The following GOLGA8A variants were observed in gnomAD, a reference collection of about 807,000 sequenced individuals.
The protein encoded by GOLGA8A is golgin A8 family member A, also known as golgin subfamily A member 8A.
In GOLGA8A, 3 loss-of-function variants were observed where a neutral mutation model predicts 22.1. That is an observed-to-expected ratio of 0.14 (90% CI 0.06 to 0.35). The LOEUF is 0.35. Ranked by LOEUF, GOLGA8A falls within the 10% of genes least tolerant of loss-of-function variation. GOLGA8A has a pLI of 1.00. For synonymous variants in GOLGA8A, 7 were observed against 91.7 expected (o/e 0.08, Z 5.28); for missense variants, 16 against 233.2 (o/e 0.07, Z 6.07).
intron 2 of GOLGA8A, among the ~76,000 whole-genome samples, chr15:34,434,827 G>A (rs79171960): frequency 1.0e-4 from 15 of 149,130 alleles, no homozygotes; most frequent in African/African-American, 3.0e-4. Flanking sequence ...CAGTGCTCAC[G>A]GCCACCTGGC....
chr15:34,430,219 T>G (rs1893167460), intron 2 of GOLGA8A, among the ~76,000 whole-genome samples: 1 of 149,138 alleles, frequency 6.7e-6, no homozygotes, highest in African/African-American at 2.5e-5. Context: ...GTTCTTGGTC[T>G]GGAGGGGCTT....
intron 1 of GOLGA8A, among the ~76,000 whole-genome samples, chr15:34,436,202 C>A (rs1893500806): frequency 6.7e-6 from 1 of 149,488 alleles, no homozygotes; most frequent in African/African-American, 2.5e-5. Flanking sequence ...ACCTGCCAAC[C>A]TGCACCTTAG....
rs550145087 is a variant in GOLGA8A, at chr15:34,434,238, T to C, written c.-1123+1145A>G. Among the ~76,000 whole-genome samples the C allele has an allele frequency of 6.0e-5, 9 of 149,028 alleles. 1 individual carries two copies. The highest frequency in any genetic ancestry group is 1.2e-4 in the Non-Finnish European group (8 of 67,088). ...AAAATCAGGCCGAGACACATGGATGTGGAGGGAGCACTGGAAAGCCACTGA... is the reference window on the plus strand; with the variant it reads ...AAAATCAGGCCGAGACACATGGATGCGGAGGGAGCACTGGAAAGCCACTGA... On this transcript the variant is annotated intron_variant, in intron 2 of 24. Transcript: ENST00000359187.
intron 2 of GOLGA8A, among the ~76,000 whole-genome samples, chr15:34,432,816 C>T (rs1307738790): frequency 6.7e-6 from 1 of 148,924 alleles, no homozygotes; most frequent in Non-Finnish European, 1.5e-5. Flanking sequence ...TTATGACAGG[C>T]CGCCTCTGCA....
At chr15:34,399,043 GA>G (rs138144152) in intron 7 of GOLGA8A, 111 bp downstream of exon 7, 2 of 131,136 alleles carry the variant, frequency 1.5e-5, no homozygotes, top group African/African-American at 5.3e-5. Flanking sequence ...TAGGAGCTAT[GA>G]AAAAAAAAAC....
intron 2 of GOLGA8A, among the ~76,000 whole-genome samples, chr15:34,424,444 G>A (rs550035960): frequency 4.2e-5 from 6 of 143,468 alleles, no homozygotes; most frequent in Admixed American, 2.2e-4. Context: ...AAATACGAGA[G>A]GAAGAATGAC....
chr15:34,428,447 C>T (rs569862335), intron 2 of GOLGA8A, among the ~76,000 whole-genome samples: 5 of 148,404 alleles, frequency 3.4e-5, no homozygotes, highest in Non-Finnish European at 6.0e-5. Context: ...CCAGTTACAG[C>T]GCATGGAAGT....
rs1475242287 is a variant in GOLGA8A, at chr15:34,379,703, C to G, written c.*1708G>C. The G allele has an allele frequency of 6.6e-6, 1 of 152,620 alleles. No individual in the cohort carries two copies. Among genetic ancestry groups the G allele is most frequent in the Non-Finnish European group, 1.5e-5 (1 of 68,048 alleles). The allele number at this position is 152,620 out of a possible 1,614,324, so 9.5% of individuals were successfully genotyped here. On this transcript the variant is annotated 3_prime_UTR_variant, in exon 25 of 25. Coordinates refer to ENST00000359187, the MANE Select transcript of GOLGA8A (RefSeq NM_181077.5). ...AAAACTCCCCACCCCAGGGAGCACA[C>G]CTACATATCTCCCTACAACCTAATA...
Position 34,424,471 on chromosome 15 carries a change from C to T in GOLGA8A, c.-1123+10912G>A, listed in dbSNP as rs939662786. 8.3e-5 allele frequency among the ~76,000 whole-genome samples: 12 copies of T among 144,956 alleles called. 1 individual carries two copies. Among genetic ancestry groups the T allele is most frequent in the Non-Finnish European group, 1.8e-4 (12 of 65,758 alleles). On this transcript the variant is annotated intron_variant, in intron 2 of 24. Transcript: ENST00000359187. ...AAGAATGACAAACCATTTACATCACCAGAGAGACTGAAGCAAGGTGGGCAG... is the reference window on the plus strand; with the variant it reads ...AAGAATGACAAACCATTTACATCACTAGAGAGACTGAAGCAAGGTGGGCAG...
chr15:34,436,576 A>G (rs1331857345), intron 1 of GOLGA8A, among the ~76,000 whole-genome samples: 1 of 150,126 alleles, frequency 6.7e-6, no homozygotes, highest in Non-Finnish European at 1.5e-5. Context: ...GTGCTGCAGG[A>G]CAGGCCCCTC....
At chr15:34,431,869 T>G (rs894728542) in intron 2 of GOLGA8A, among the ~76,000 whole-genome samples, 2 of 149,208 alleles carry the variant, frequency 1.3e-5, no homozygotes, top group African/African-American at 4.9e-5. Context: ...TAGGAATTTT[T>G]GAGCCCCATG....
chr15:34,428,965 TCAG>T (rs1238574469), intron 2 of GOLGA8A: 3 of 145,550 alleles, frequency 2.1e-5, no homozygotes, highest in Non-Finnish European at 4.5e-5. Flanking sequence ...GGACTTGGCA[TCAG>T]CTGCCACCTC....
Position 34,421,234 on chromosome 15 carries a change from A to G in GOLGA8A, c.-1122-13499T>C, listed in dbSNP as rs35816632. 2.7e-3 allele frequency among the ~76,000 whole-genome samples: 370 copies of G among 138,070 alleles called. 3 individuals are homozygous for G. Among genetic ancestry groups the G allele is most frequent in the African/African-American group, 8.1e-3 (307 of 37,930 alleles). The allele number at this position is 138,070 out of a possible 152,430, so 90.6% of individuals were successfully genotyped here. A position where few individuals can be genotyped will look rare whatever the true frequency, so the allele number is the denominator to read the frequency against. ...GCCACCACGGGGGCAGAGACGTGAA[A>G]CAGGCTTCAGCTACTAATTTTCCAT... On this transcript the variant is annotated intron_variant, in intron 2 of 24. Coordinates refer to ENST00000359187, the MANE Select transcript of GOLGA8A (RefSeq NM_181077.5).
intron 8 of GOLGA8A, among the ~76,000 whole-genome samples, chr15:34,397,429 T>C (rs1891898617): frequency 6.7e-6 from 1 of 148,354 alleles, no homozygotes; most frequent in African/African-American, 2.4e-5. Context: ...CATGTAACTA[T>C]TTTCTCACAA....
chr15:34,429,385 G>A (rs1280240929), intron 2 of GOLGA8A, among the ~76,000 whole-genome samples: 1 of 145,650 alleles, frequency 6.9e-6, no homozygotes, highest in Non-Finnish European at 1.5e-5. Context: ...ACATAATCCT[G>A]CTGCCAAAAA....
intron 2 of GOLGA8A, among the ~76,000 whole-genome samples, chr15:34,430,023 T>C (rs371996996): frequency 0.074 from 10,688 of 144,084 alleles, 910 homozygotes; most frequent in South Asian, 0.2. Flanking sequence ...GCTCCCCAAA[T>C]GAAACCAAGA....
rs567011025 is a variant in GOLGA8A at position 34,379,853 on chromosome 15, T to A, written c.*1558A>T. The A allele has an allele frequency of 6.5e-6, 1 of 152,792 alleles. No homozygotes were observed. Among genetic ancestry groups the A allele is most frequent in the East Asian group, 1.9e-4 (1 of 5,194 alleles). The allele number at this position is 152,792 out of a possible 1,614,324, so 9.5% of individuals were successfully genotyped here. A position where few individuals can be genotyped will look rare whatever the true frequency, so the allele number is the denominator to read the frequency against. ...TTGAAATGCATTCATTCATCATGCA[T>A]AGGCACAATCACAGAAATATTGCAC... On this transcript the variant is annotated 3_prime_UTR_variant, in exon 25 of 25. Transcript: ENST00000359187.
In GOLGA8A at chr15:34,432,628, A is replaced by T. The variant is rs1329471824; in HGVS notation, c.-1123+2755T>A. Among the ~76,000 whole-genome samples, 4 of 149,556 alleles carry T rather than the reference A, an allele frequency of 2.7e-5. 1 individual carries two copies. Among genetic ancestry groups the T allele is most frequent in the African/African-American group, 9.9e-5 (4 of 40,526 alleles). ...GTTTCATTCCAGTGGTTTCGCCATC[A>T]AAACCATCTTTAAATGTTGGAGTGT... On this transcript the variant is annotated intron_variant, in intron 2 of 24. Coordinates refer to ENST00000359187, the MANE Select transcript of GOLGA8A (RefSeq NM_181077.5).
chr15:34,424,791 T>A (rs921097565), intron 2 of GOLGA8A, among the ~76,000 whole-genome samples: 5 of 133,330 alleles, frequency 3.8e-5, no homozygotes, highest in African/African-American at 5.7e-5. Context: ...ATGGGATGAA[T>A]TTAGTTTATT....
Sources: gnomAD v4.1 joint callset for allele counts (sites outside exome capture counted in the v4.1 genomes callset) on GRCh38, gnomAD v4.1.1 for gene constraint, MANE v1.5 for transcripts, NCBI Gene and HGNC (gene_info 2026-07-23, HGNC 2026-07-21) for gene names.